Variants in ADGRL3 observed in about 807,000 individuals in gnomAD.
The protein encoded by ADGRL3 is calcium-independent alpha-latrotoxin receptor 3.
A neutral mutation model predicts 153.5 loss-of-function variants in ADGRL3; 62 were observed. That is an observed-to-expected ratio of 0.40 (90% confidence interval 0.33 to 0.50). The LOEUF is 0.50. Ranked by LOEUF, ADGRL3 falls within the 20% of genes least tolerant of loss-of-function variation. The pLI, the probability that ADGRL3 is intolerant of heterozygous loss-of-function variation, is 0.47. For synonymous variants in ADGRL3, 710 were observed against 672.5 expected (o/e 1.06, Z -0.86); for missense variants, 1,641 against 1,859.4 (o/e 0.88, Z 2.16).
At chr4:61,612,049 A>G (rs1485690664) in intron 5 of ADGRL3, among the ~76,000 whole-genome samples, 1 of 152,150 alleles carries the variant, frequency 6.6e-6, no homozygotes, top group East Asian at 1.9e-4. Flanking sequence ...TGGTCATTTG[A>G]AGAGAATAAA....
chr4:61,499,021 A>G (rs1263051181), intron 3 of ADGRL3, among the ~76,000 whole-genome samples: 1 of 152,206 alleles, frequency 6.6e-6, no homozygotes, highest in East Asian at 1.9e-4. Flanking sequence ...ATTATAGTGT[A>G]GCAAGCAGCT....
At chr4:61,647,653 C>G (rs973459248) in intron 5 of ADGRL3, among the ~76,000 whole-genome samples, 1 of 151,782 alleles carries the variant, frequency 6.6e-6, no homozygotes, top group Non-Finnish European at 1.5e-5. Context: ...ATTTTATATT[C>G]CAGTGTTTTA....
intron 2 of ADGRL3, among the ~76,000 whole-genome samples, chr4:61,473,725 TA>T (rs34629206): frequency 9.2e-5 from 14 of 151,448 alleles, no homozygotes; most frequent in South Asian, 4.2e-4. Context: ...TTCAGCCTTT[TA>T]AAAAAAAATA....
At chr4:61,845,846 A>G (rs1389354513) in intron 9 of ADGRL3, among the ~76,000 whole-genome samples, 1 of 152,160 alleles carries the variant, frequency 6.6e-6, no homozygotes, top group Non-Finnish European at 1.5e-5. Flanking sequence ...AAATTGGACA[A>G]TGCAGATGTT....
chr4:61,505,047 G>A (rs559331147), intron 3 of ADGRL3, among the ~76,000 whole-genome samples: 81 of 152,144 alleles, frequency 5.3e-4, no homozygotes, highest in African/African-American at 1.7e-3. Flanking sequence ...TCTCCACAGT[G>A]GCTGCACTAT....
At chr4:61,787,930 G>GA (rs34564812) in intron 8 of ADGRL3, among the ~76,000 whole-genome samples, 84,675 of 151,712 alleles carry the variant, frequency 0.56, 25,874 homozygotes, top group African/African-American at 0.81. Flanking sequence ...AAAAATGATA[G>GA]AAAAAAATAA....
chr4:61,845,171 C>A (rs1251538958), intron 9 of ADGRL3, among the ~76,000 whole-genome samples: 1 of 151,962 alleles, frequency 6.6e-6, no homozygotes, highest in East Asian at 1.9e-4. Flanking sequence ...TTTTAATTTT[C>A]TTTGATTCAC....
intron 1 of ADGRL3, among the ~76,000 whole-genome samples, chr4:61,372,344 TC>T (rs896253138): frequency 1.7e-4 from 26 of 152,074 alleles, no homozygotes; most frequent in African/African-American, 6.3e-4. Context: ...TTCTGTTTTT[TC>T]CCCATCTTTG....
At chr4:61,865,053 T>G (rs1561381400) in intron 9 of ADGRL3, among the ~76,000 whole-genome samples, 1 of 152,158 alleles carries the variant, frequency 6.6e-6, no homozygotes, top group Non-Finnish European at 1.5e-5. Flanking sequence ...TATGCATGAA[T>G]TTTTGTAATC....
intron 3 of ADGRL3, among the ~76,000 whole-genome samples, chr4:61,513,999 T>C (rs73822609): frequency 0.022 from 3,330 of 152,252 alleles, 111 homozygotes; most frequent in East Asian, 0.15. Flanking sequence ...CATGCTGGTG[T>C]ATTTTTAATA....
chr4:61,246,345 T>C (rs1757064792), intron 1 of ADGRL3, among the ~76,000 whole-genome samples: 1 of 152,024 alleles, frequency 6.6e-6, no homozygotes. Context: ...ATAATAAGAC[T>C]AGTTATGAGC....
At chr4:62,049,950 T>A (rs1355028045) in intron 25 of ADGRL3, among the ~76,000 whole-genome samples, 1 of 152,126 alleles carries the variant, frequency 6.6e-6, no homozygotes, top group Non-Finnish European at 1.5e-5. Context: ...ACGTAATTAT[T>A]ATTATTGTTT....
chr4:61,819,133 A>G (rs1429968660), intron 9 of ADGRL3, among the ~76,000 whole-genome samples: 2 of 152,182 alleles, frequency 1.3e-5, no homozygotes, highest in African/African-American at 4.8e-5. Flanking sequence ...CATTCAAATT[A>G]TACATGCAAA....
Position 61,788,658 on chromosome 4 carries a change from C to G in ADGRL3, c.1400-25151C>G, listed in dbSNP as rs142983692. 4.6e-3 allele frequency among the ~76,000 whole-genome samples: 696 copies of G among 152,250 alleles called. 7 individuals carry two copies. The highest frequency in any genetic ancestry group is 0.016 in the African/African-American group (645 of 41,554). ...AACACCCCCAAAAGATCAAAAAACTCACCAGCAATGGATCCAAACCAAGAA... is the reference window on the plus strand; with the variant it reads ...AACACCCCCAAAAGATCAAAAAACTGACCAGCAATGGATCCAAACCAAGAA... On this transcript the variant is annotated intron_variant, in intron 8 of 26. Coordinates refer to ENST00000683033, the MANE Select transcript of ADGRL3 (RefSeq NM_001387552.1).
chr4:61,386,769 G>C (rs1289077824), intron 2 of ADGRL3, among the ~76,000 whole-genome samples: 4 of 152,112 alleles, frequency 2.6e-5, no homozygotes, highest in Non-Finnish European at 5.9e-5. Context: ...GAAAAAATAA[G>C]TATTAGAATG....
intron 2 of ADGRL3, among the ~76,000 whole-genome samples, chr4:61,475,622 T>A (rs921231461): frequency 1.4e-5 from 2 of 145,076 alleles, no homozygotes; most frequent in African/African-American, 5.1e-5. Flanking sequence ...AAATATATCT[T>A]ACATTTTCTT....
At chr4:61,509,130 T>TTTC (rs1553949489) in intron 3 of ADGRL3, among the ~76,000 whole-genome samples, 1 of 149,418 alleles carries the variant, frequency 6.7e-6, no homozygotes, top group African/African-American at 2.5e-5. Context: ...ACATCTTTTT[T>TTTC]TTTTTTTTTT....
intron 13 of ADGRL3, among the ~76,000 whole-genome samples, chr4:61,927,708 C>T (rs1334088088): frequency 6.6e-6 from 1 of 152,132 alleles, no homozygotes; most frequent in Non-Finnish European, 1.5e-5. Context: ...TTGACCTTTA[C>T]ATTTTGATTT....
chr4:61,713,892 C>A (rs2096054157), intron 6 of ADGRL3, among the ~76,000 whole-genome samples: 1 of 152,062 alleles, frequency 6.6e-6, no homozygotes, highest in South Asian at 2.1e-4. Context: ...GTTCAAGTCC[C>A]AATCATCAGG....
Sources: allele counts gnomAD v4.1 joint callset (sites outside exome capture counted in the v4.1 genomes callset), GRCh38; gene constraint gnomAD v4.1.1; transcripts MANE v1.5; gene names NCBI Gene and HGNC (gene_info 2026-07-23, HGNC 2026-07-21).